The following LIN7A variants were observed in gnomAD, a reference collection of about 807,000 sequenced individuals.
The protein encoded by LIN7A is protein lin-7 homolog A.
In LIN7A, 25 loss-of-function variants were observed where a neutral mutation model predicts 29.8. That is an observed-to-expected ratio of 0.84 (90% confidence interval 0.61 to 1.17). The LOEUF (loss-of-function observed/expected upper bound fraction) is 1.17, where lower values mean the gene tolerates loss of function less well. LIN7A is among the 50% of genes most tolerant of loss of function. LIN7A has a pLI of 0.00. For missense variants in LIN7A, 239 were observed against 287.0 expected, an observed-to-expected ratio of 0.83 and a Z score of 1.21; for synonymous variants, 118 against 107.5, an observed-to-expected ratio of 1.10 and a Z score of -0.60.
intron 5 of LIN7A, among the ~76,000 whole-genome samples, chr12:80,807,080 T>TTTTTTTTTTTTTTTTTTTGTTTTTTG (rs1565883886): frequency 7.4e-6 from 1 of 134,686 alleles, no homozygotes; most frequent in Admixed American, 7.5e-5. Flanking sequence ...TTTTTTTTTT[T>TTTTTTTTTTTTTTTTTTTGTTTTTTG]TTTTTTTTTT....
At chr12:80,932,470 T>A (rs902789294) in intron 1 of LIN7A, among the ~76,000 whole-genome samples, 2 of 152,254 alleles carry the variant, frequency 1.3e-5, no homozygotes, top group Non-Finnish European at 2.9e-5. Flanking sequence ...AAAATGAATT[T>A]AACTCACGGA....
At chr12:80,825,256 G>A (rs1321045508) in intron 4 of LIN7A, among the ~76,000 whole-genome samples, 3 of 152,214 alleles carry the variant, frequency 2.0e-5, no homozygotes, top group South Asian at 2.1e-4. Context: ...AGTTAGGTTC[G>A]AGGGCAGTTA....
chr12:80,906,576 C>T (rs1183018130), intron 1 of LIN7A, among the ~76,000 whole-genome samples: 2 of 151,984 alleles, frequency 1.3e-5, no homozygotes, highest in Non-Finnish European at 2.9e-5. Flanking sequence ...CACTTTGTGT[C>T]TGGCTCCTGT....
intron 2 of LIN7A, among the ~76,000 whole-genome samples, chr12:80,882,386 G>C (rs1178774): frequency 7.4e-6 from 1 of 134,574 alleles, no homozygotes; most frequent in Non-Finnish European, 1.6e-5. Flanking sequence ...CCGGGTTCAC[G>C]CCATTCTCCT....
intron 2 of LIN7A, among the ~76,000 whole-genome samples, chr12:80,860,222 G>A (rs1324961101): frequency 6.6e-6 from 1 of 152,126 alleles, no homozygotes; most frequent in Non-Finnish European, 1.5e-5. Flanking sequence ...TAGAGTTTTG[G>A]CACCCCAGTG....
At chr12:80,809,054 C>T (rs556066366) in intron 5 of LIN7A, among the ~76,000 whole-genome samples, 5 of 151,164 alleles carry the variant, frequency 3.3e-5, no homozygotes, top group Non-Finnish European at 5.9e-5. Context: ...GGCTCGATCT[C>T]GGCTTACTGC....
At chr12:80,868,568 C>CA (rs2120473660) in intron 2 of LIN7A, among the ~76,000 whole-genome samples, 1 of 152,118 alleles carries the variant, frequency 6.6e-6, no homozygotes, top group African/African-American at 2.4e-5. Flanking sequence ...AACTCTGTCT[C>CA]AAAAAATCAA....
In LIN7A at chr12:80,799,017, C is replaced by T. The variant is rs957299214; in HGVS notation, c.*1-1291G>A. Among the ~76,000 whole-genome samples the T allele has an allele frequency of 2.6e-5, 4 of 152,136 alleles. No individual in the cohort carries two copies. In the East Asian group the frequency reaches 7.7e-4, roughly 29 times the overall value. On this transcript the variant is annotated intron_variant, in intron 5 of 5. Coordinates refer to ENST00000552864, the MANE Select transcript of LIN7A (RefSeq NM_004664.4). ...AAAGTGCTGGGATTACAGGTGTGAG[C>T]CACCGTGCCTGGCCTAGAGGCTGAG...
chr12:80,862,471 C>T (rs538506685), intron 2 of LIN7A, among the ~76,000 whole-genome samples: 58 of 152,232 alleles, frequency 3.8e-4, no homozygotes, highest in Non-Finnish European at 6.6e-4. Context: ...ACATTTTCAC[C>T]AACAATCAAT....
chr12:80,837,323 T>C (rs1872626178), intron 4 of LIN7A, among the ~76,000 whole-genome samples: 1 of 152,096 alleles, frequency 6.6e-6, no homozygotes, highest in South Asian at 2.1e-4. Context: ...TCTTTTCAGA[T>C]ACAATTAGGT....
At chr12:80,850,304 G>A (rs1873266761) in intron 2 of LIN7A, among the ~76,000 whole-genome samples, 1 of 152,122 alleles carries the variant, frequency 6.6e-6, no homozygotes, top group African/African-American at 2.4e-5. Flanking sequence ...CCTTAAAATA[G>A]TAAGTAACTT....
At chr12:80,807,068 T>TTTCTTG (rs1871036690) in intron 5 of LIN7A, among the ~76,000 whole-genome samples, 1 of 84,996 alleles carries the variant, frequency 1.2e-5, no homozygotes, top group Non-Finnish European at 2.2e-5. Flanking sequence ...ATGGAGTTTT[T>TTTCTTG]TTTTTTTTTT....
chr12:80,847,081 A>T (rs1225009086), intron 3 of LIN7A, among the ~76,000 whole-genome samples: 1 of 152,232 alleles, frequency 6.6e-6, no homozygotes, highest in African/African-American at 2.4e-5. Context: ...GTTTTTAGCT[A>T]CATGCATTTG....
intron 5 of LIN7A, among the ~76,000 whole-genome samples, chr12:80,798,616 T>A (rs1870569533): frequency 1.3e-5 from 2 of 152,186 alleles, no homozygotes; most frequent in South Asian, 4.1e-4. Flanking sequence ...ACTACTTCTA[T>A]CACTAATGAA....
intron 1 of LIN7A, chr12:80,937,005 C>G (rs899432103): frequency 1.3e-5 from 2 of 152,130 alleles, no homozygotes; most frequent in Non-Finnish European, 2.9e-5. Context: ...CGCGGAGAGC[C>G]GATCTCGGCT....
At chr12:80,918,883 T>A (rs1320929872) in intron 1 of LIN7A, among the ~76,000 whole-genome samples, 2 of 152,252 alleles carry the variant, frequency 1.3e-5, no homozygotes, top group Non-Finnish European at 2.9e-5. Context: ...AAGATTATGA[T>A]ACTGTATTTG....
intron 1 of LIN7A, among the ~76,000 whole-genome samples, chr12:80,921,896 TAAG>T (rs1877328500): frequency 6.6e-6 from 1 of 152,212 alleles, no homozygotes; most frequent in South Asian, 2.1e-4. Flanking sequence ...CAAACTCAGC[TAAG>T]TAGGATAGGT....
intron 2 of LIN7A, chr12:80,861,571 C>A (rs534351712): frequency 6.6e-6 from 1 of 152,302 alleles, no homozygotes; most frequent in African/African-American, 2.4e-5. Flanking sequence ...TGCAGATACT[C>A]TGCAGTGAGA....
At chr12:80,826,287 A>T (rs896743974) in intron 4 of LIN7A, among the ~76,000 whole-genome samples, 1 of 152,186 alleles carries the variant, frequency 6.6e-6, no homozygotes, top group Non-Finnish European at 1.5e-5. Flanking sequence ...ACCTCCAAAG[A>T]TTCTTTTCAA....
Sources: gnomAD v4.1 joint callset for allele counts (sites outside exome capture counted in the v4.1 genomes callset) on GRCh38, gnomAD v4.1.1 for gene constraint, MANE v1.5 for transcripts, NCBI Gene and HGNC (gene_info 2026-07-23, HGNC 2026-07-21) for gene names.